The following MAGI1 variants were observed in gnomAD, a reference collection of about 807,000 sequenced individuals.
MAGI1 encodes membrane-associated guanylate kinase, WW and PDZ domain-containing protein 1.
A neutral mutation model predicts 139.9 loss-of-function variants in MAGI1; 58 were observed. The ratio of observed to expected loss-of-function variants is 0.41; its 90% CI spans 0.34 to 0.52. The LOEUF (loss-of-function observed/expected upper bound fraction) is 0.52, where lower values mean the gene tolerates loss of function less well. MAGI1 is among the 20% of genes least tolerant of loss of function. The pLI, the probability that MAGI1 is intolerant of heterozygous loss-of-function variation, is 0.12. For missense variants in MAGI1, 1,874 were observed against 1,901.6 expected (o/e 0.99, Z 0.27); for synonymous variants, 812 against 737.9 (o/e 1.10, Z -1.63).
At chr3:65,648,125 A>G (rs1299292904) in intron 1 of MAGI1, among the ~76,000 whole-genome samples, 2 of 152,184 alleles carry the variant, frequency 1.3e-5, no homozygotes, top group Non-Finnish European at 2.9e-5. Flanking sequence ...ACAAGATACC[A>G]GATATACATC....
chr3:65,548,967 T>C (rs186582320), intron 2 of MAGI1, among the ~76,000 whole-genome samples: 2,848 of 152,274 alleles, frequency 0.019, 82 homozygotes, highest in African/African-American at 0.064. Context: ...CTCAACCCAC[T>C]GGAGCCAAAG....
chr3:65,604,218 A>C (rs926476966), intron 2 of MAGI1, among the ~76,000 whole-genome samples: 25 of 152,308 alleles, frequency 1.6e-4, no homozygotes, highest in African/African-American at 5.5e-4. Flanking sequence ...CTGAGGATCA[A>C]GAAATATTGG....
At chr3:66,027,309 TA>T (rs1237157129) in intron 1 of MAGI1, among the ~76,000 whole-genome samples, 2 of 148,174 alleles carry the variant, frequency 1.3e-5, no homozygotes, top group Non-Finnish European at 3.0e-5. Context: ...AATAAATAAA[TA>T]AATAATAAAA....
chr3:65,676,470 G>A (rs551494406), intron 1 of MAGI1, among the ~76,000 whole-genome samples: 7 of 152,114 alleles, frequency 4.6e-5, no homozygotes, highest in Admixed American at 1.3e-4. Context: ...TTTAAAAAAC[G>A]TACTTCTTTT....
intron 12 of MAGI1, among the ~76,000 whole-genome samples, chr3:65,422,975 C>T (rs1946737722): frequency 2.0e-5 from 3 of 152,248 alleles, no homozygotes; most frequent in African/African-American, 7.2e-5. Flanking sequence ...GGAGGGCAGA[C>T]TGGAGGAAGC....
chr3:65,474,745 G>A (rs536492744), intron 4 of MAGI1, among the ~76,000 whole-genome samples: 6 of 152,164 alleles, frequency 3.9e-5, no homozygotes, highest in Non-Finnish European at 5.9e-5. Flanking sequence ...AGGTTTATGT[G>A]TATCTCCCAC....
chr3:65,824,472 A>C (rs566873534), intron 1 of MAGI1, among the ~76,000 whole-genome samples: 88 of 152,362 alleles, frequency 5.8e-4, no homozygotes, highest in Non-Finnish European at 8.5e-4. Context: ...GTGAATTCCC[A>C]AACTACAGCT....
intron 1 of MAGI1, among the ~76,000 whole-genome samples, chr3:65,721,919 C>T (rs918939514): frequency 2.6e-5 from 4 of 151,596 alleles, no homozygotes; most frequent in Non-Finnish European, 5.9e-5. Context: ...TCCCTACTTT[C>T]CCAGTGTGTC....
intron 12 of MAGI1, among the ~76,000 whole-genome samples, chr3:65,421,641 A>C (rs1946636593): frequency 6.6e-6 from 1 of 152,176 alleles, no homozygotes; most frequent in Non-Finnish European, 1.5e-5. Flanking sequence ...TCCATTTTTT[A>C]GATTAAAGGT....
chr3:65,858,601 C>T (rs1275314603), intron 1 of MAGI1, among the ~76,000 whole-genome samples: 1 of 152,138 alleles, frequency 6.6e-6, no homozygotes, highest in Non-Finnish European at 1.5e-5. Context: ...TACTCTTTAT[C>T]TCATCACAGG....
Position 65,430,762 on chromosome 3 carries a change from A to G in MAGI1, c.1483T>C (p.Phe495Leu). 6.2e-7 allele frequency: 1 copy of G among 1,613,664 alleles called. No individual in the cohort carries two copies. The highest frequency in any genetic ancestry group is 8.5e-7 in the Non-Finnish European group (1 of 1,179,796). Reference sequence around the variant, plus strand: ...AGGACCAAGCTCTTGATCTGGAGAAACTCATCAGGTTCATCCCCTCCAACC... The same window carrying G: ...AGGACCAAGCTCTTGATCTGGAGAAGCTCATCAGGTTCATCCCCTCCAACC... The part of the protein sequence containing the change: ...TVVGGDEPDE[F>L]LQIKSLVLDG... Residue 495 changes from phenylalanine to leucine, a missense_variant, in exon 11 of 23, where the codon TTT (phenylalanine) becomes CTT (leucine). By Grantham distance (22) the Phe-to-Leu change is conservative. This residue lies in a region of MAGI1 where 86 missense variants were observed against 130.0 expected (regional missense o/e 0.66). Coordinates refer to ENST00000402939, the MANE Select transcript of MAGI1 (RefSeq NM_001033057.2).
intron 12 of MAGI1, among the ~76,000 whole-genome samples, chr3:65,412,933 T>G (rs1006628163): frequency 6.6e-6 from 1 of 152,168 alleles, no homozygotes; most frequent in Non-Finnish European, 1.5e-5. Flanking sequence ...CTCCAGCAAA[T>G]GGATATGTTC....
intron 1 of MAGI1, among the ~76,000 whole-genome samples, chr3:65,622,909 G>A (rs1392765818): frequency 6.6e-6 from 1 of 152,044 alleles, no homozygotes; most frequent in Non-Finnish European, 1.5e-5. Context: ...TAAAAACAAA[G>A]ACCTGGAAAC....
chr3:65,417,330 G>C (rs903135390), intron 12 of MAGI1, among the ~76,000 whole-genome samples: 16 of 151,818 alleles, frequency 1.1e-4, no homozygotes, highest in African/African-American at 3.9e-4. Flanking sequence ...CTTAAAGTTG[G>C]GAAAAAAAGA....
At chr3:65,455,741 TAAAATA>T (rs1276841958) in intron 5 of MAGI1, among the ~76,000 whole-genome samples, 8 of 152,046 alleles carry the variant, frequency 5.3e-5, no homozygotes, top group African/African-American at 1.9e-4. Context: ...TGTCTCAAAA[TAAAATA>T]AAAATAAAAA....
At chr3:65,745,734 G>GT (rs1183159980) in intron 1 of MAGI1, among the ~76,000 whole-genome samples, 12 of 149,014 alleles carry the variant, frequency 8.1e-5, no homozygotes, top group Admixed American at 2.6e-4. Flanking sequence ...ATTCTCTTTT[G>GT]TTTTTCCCCC....
At chr3:65,802,024 CTAA>C (rs1277299920) in intron 1 of MAGI1, among the ~76,000 whole-genome samples, 1 of 152,132 alleles carries the variant, frequency 6.6e-6, no homozygotes, top group Non-Finnish European at 1.5e-5. Context: ...TAGAATCTAA[CTAA>C]TGCTTGATGG....
intron 1 of MAGI1, among the ~76,000 whole-genome samples, chr3:65,668,566 T>TC (rs1251530668): frequency 7.2e-6 from 1 of 138,162 alleles, no homozygotes; most frequent in Admixed American, 7.2e-5. Context: ...TTTTTTCTTT[T>TC]TTTTTTTTTT....
At chr3:65,918,175 A>T (rs999713750) in intron 1 of MAGI1, among the ~76,000 whole-genome samples, 6 of 152,194 alleles carry the variant, frequency 3.9e-5, no homozygotes, top group African/African-American at 1.4e-4. Flanking sequence ...ATATCTACAC[A>T]CTGAGGTAGG....
Sources: gnomAD v4.1 joint callset for allele counts (sites outside exome capture counted in the v4.1 genomes callset) on GRCh38, gnomAD v4.1.1 for gene constraint, gnomAD v4.1.1 regional missense constraint, MANE v1.5 for transcripts, NCBI Gene and HGNC (gene_info 2026-07-23, HGNC 2026-07-21) for gene names.